Variants in ZNF536 observed in about 807,000 individuals in gnomAD.
ZNF536 encodes the protein zinc finger protein 536.
ZNF536 carries 13 observed loss-of-function variants against 84.5 expected under a neutral mutation model. The ratio of observed to expected loss-of-function variants is 0.15; its 90% CI spans 0.10 to 0.24. The LOEUF is 0.24. Among genes scored for constraint, ZNF536 ranks in the 10% least tolerant of loss-of-function variants. The pLI is 1.00. For synonymous variants in ZNF536, 811 were observed against 742.5 expected (o/e 1.09, Z -1.50); for missense variants, 1,536 against 1,747.5 (o/e 0.88, Z 2.16).
chr19:30,514,619 G>A (rs2055556636), intron 2 of ZNF536, among the ~76,000 whole-genome samples: 1 of 151,758 alleles, frequency 6.6e-6, no homozygotes, highest in African/African-American at 2.4e-5. Context: ...GGCTTTTCTT[G>A]GGGCATCAAG....
At chr19:30,287,358 G>T (rs1163481990) in intron 2 of ZNF536, among the ~76,000 whole-genome samples, 1 of 151,810 alleles carries the variant, frequency 6.6e-6, no homozygotes, top group Non-Finnish European at 1.5e-5. Flanking sequence ...TGGATGGGTG[G>T]ATGGGTGGGT....
intron 1 of ZNF536, among the ~76,000 whole-genome samples, chr19:30,418,144 G>C (rs1394050989): frequency 1.3e-5 from 2 of 151,896 alleles, no homozygotes; most frequent in Non-Finnish European, 2.9e-5. Context: ...AATTTTGCTG[G>C]AGGATTTTTG....
At chr19:30,693,878 C>G (rs1398509448) in intron 1 of ZNF536, among the ~76,000 whole-genome samples, 1 of 152,134 alleles carries the variant, frequency 6.6e-6, no homozygotes, top group Non-Finnish European at 1.5e-5. Flanking sequence ...GCGATTCTTT[C>G]TCACACATAA....
At chr19:30,611,383 C>A (rs1231483271) in intron 1 of ZNF536, among the ~76,000 whole-genome samples, 1 of 152,158 alleles carries the variant, frequency 6.6e-6, no homozygotes, top group Non-Finnish European at 1.5e-5. Context: ...GAAAAGCTGC[C>A]CTTGGACCCC....
chr19:30,698,072 A>G (rs974649731), intron 1 of ZNF536, among the ~76,000 whole-genome samples: 5 of 152,248 alleles, frequency 3.3e-5, no homozygotes, highest in African/African-American at 1.2e-4. Context: ...CAGGCGGATC[A>G]CCTGAGGTCA....
intron 1 of ZNF536, among the ~76,000 whole-genome samples, chr19:30,273,222 TG>T (rs1360147977): frequency 2.6e-5 from 4 of 152,176 alleles, no homozygotes; most frequent in Non-Finnish European, 5.9e-5. Flanking sequence ...TGTGTGTGTG[TG>T]TGTGTGTGTA....
intron 2 of ZNF536, among the ~76,000 whole-genome samples, chr19:30,301,177 G>T (rs1225072797): frequency 2.0e-5 from 3 of 152,194 alleles, no homozygotes; most frequent in Non-Finnish European, 4.4e-5. Flanking sequence ...GGGGACTGAG[G>T]CTCCCCTGAT....
chr19:30,532,993 G>A (rs2044907231), intron 2 of ZNF536, among the ~76,000 whole-genome samples: 2 of 152,176 alleles, frequency 1.3e-5, no homozygotes, highest in Non-Finnish European at 2.9e-5. Context: ...AGATGTGGAT[G>A]AGCCTAACTT....
intron 2 of ZNF536, among the ~76,000 whole-genome samples, chr19:30,448,709 T>TA (rs1204929183): frequency 1.3e-5 from 2 of 152,212 alleles, no homozygotes; most frequent in African/African-American, 4.8e-5. Flanking sequence ...GAATTCATCA[T>TA]AAAAAACCTT....
At chr19:30,239,648 T>C (rs1220014058) in intron 1 of ZNF536, among the ~76,000 whole-genome samples, 1 of 152,204 alleles carries the variant, frequency 6.6e-6, no homozygotes, top group Non-Finnish European at 1.5e-5. Context: ...CTTCTTAAAA[T>C]GCAATTAAGT....
At chr19:30,636,485 C>A (rs1406698995) in intron 1 of ZNF536, among the ~76,000 whole-genome samples, 1 of 152,112 alleles carries the variant, frequency 6.6e-6, no homozygotes, top group African/African-American at 2.4e-5. Context: ...GTAAGAGGCT[C>A]CCTCCTTCCT....
intron 1 of ZNF536, among the ~76,000 whole-genome samples, chr19:30,383,634 C>T (rs2049111462): frequency 9.2e-6 from 1 of 108,738 alleles, no homozygotes; most frequent in Non-Finnish European, 2.0e-5. Flanking sequence ...TTCTTTCTTC[C>T]TTTCTTCCTT....
At chr19:30,252,875 C>G (rs190401430) in intron 1 of ZNF536, among the ~76,000 whole-genome samples, 1 of 152,280 alleles carries the variant, frequency 6.6e-6, no homozygotes, top group African/African-American at 2.4e-5. Context: ...TAGGACATAT[C>G]TTGTTATTTT....
At chr19:30,247,436 AG>A in intron 1 of ZNF536, among the ~76,000 whole-genome samples, 1 of 152,292 alleles carries the variant, frequency 6.6e-6, no homozygotes, top group Admixed American at 6.5e-5. Flanking sequence ...GCAGCTTTGC[AG>A]GGGGTGCTGT....
At chr19:30,416,257 G>T (rs1447685021) in intron 1 of ZNF536, among the ~76,000 whole-genome samples, 2 of 147,116 alleles carry the variant, frequency 1.4e-5, no homozygotes, top group African/African-American at 2.5e-5. Context: ...ATACTAGTTA[G>T]AATTTTTTAT....
chr19:30,510,394 C>T (rs115742849), intron 2 of ZNF536, among the ~76,000 whole-genome samples: 14 of 152,198 alleles, frequency 9.2e-5, no homozygotes, highest in Admixed American at 2.6e-4. Flanking sequence ...TCAGACCTGG[C>T]GTTCCAGCAA....
chr19:30,611,958 C>T (rs2048119957), intron 1 of ZNF536, among the ~76,000 whole-genome samples: 1 of 152,142 alleles, frequency 6.6e-6, no homozygotes, highest in African/African-American at 2.4e-5. Flanking sequence ...GGAGTCAAGG[C>T]TCCTGTGCAC....
intron 1 of ZNF536, among the ~76,000 whole-genome samples, chr19:30,375,453 G>GGGCGCGCCCCC (rs1452690143): frequency 6.6e-6 from 1 of 152,146 alleles, no homozygotes; most frequent in Non-Finnish European, 1.5e-5. Context: ...GCACCGACCC[G>GGGCGCGCCCCC]GGCGCGCCCC....
At chr19:30,621,696 G>C (rs1401188611) in intron 1 of ZNF536, among the ~76,000 whole-genome samples, 1 of 152,262 alleles carries the variant, frequency 6.6e-6, no homozygotes, top group Non-Finnish European at 1.5e-5. Context: ...GTGAGGAGCA[G>C]CCGGGTGGGA....
Sources: allele counts gnomAD v4.1 joint callset (sites outside exome capture counted in the v4.1 genomes callset), GRCh38; gene constraint gnomAD v4.1.1; transcripts MANE v1.5; gene names NCBI Gene and HGNC (gene_info 2026-07-23, HGNC 2026-07-21).